Variants in USP6NL observed in about 807,000 individuals in gnomAD.
The protein encoded by USP6NL is USP6 N-terminal like, also known as USP6 N-terminal-like protein.
A neutral mutation model predicts 61.9 loss-of-function variants in USP6NL; 26 were observed. That is an observed-to-expected ratio of 0.42 (90% CI 0.31 to 0.58). The LOEUF (loss-of-function observed/expected upper bound fraction) is 0.58, where lower values mean the gene tolerates loss of function less well. USP6NL is among the 20% of genes least tolerant of loss of function. USP6NL has a pLI of 0.16. For synonymous variants in USP6NL, 432 were observed against 390.1 expected, an observed-to-expected ratio of 1.11 and a Z score of -1.27; for missense variants, 1,114 against 1,034.3, an observed-to-expected ratio of 1.08 and a Z score of -1.06.
At position 11,574,288 on chromosome 10, in the gene USP6NL, A is replaced by C. The variant is rs753181614; in HGVS notation, c.4+23343T>G. ...TATGGTGCCTCAAAAATATCCTATA[A>C]ATTCCTTGTCCTCCTCCTCACATAT... On this transcript the variant is annotated intron_variant, in intron 2 of 14. Transcript: ENST00000609104. This position sits in a 1 kb window ranked among gnomAD's most constrained non-coding sequence, Gnocchi z 4.3. Among the ~76,000 whole-genome samples, 1 of 152,230 alleles carries C rather than the reference A, an allele frequency of 6.6e-6. No individual in the cohort carries two copies. The highest frequency in any genetic ancestry group is 1.5e-5 in the Non-Finnish European group (1 of 68,030).
At position 11,511,693 on chromosome 10, in the gene USP6NL, T is replaced by C. The variant is rs900336360; in HGVS notation, c.196-2018A>G. 3.9e-5 allele frequency among the ~76,000 whole-genome samples: 6 copies of C among 152,112 alleles called. No homozygotes were observed. Among genetic ancestry groups the C allele is most frequent in the Non-Finnish European group, 8.8e-5 (6 of 68,016 alleles). ...CTTTTGAATTCTAATGCTTATCATA[T>C]ATACAGATTATTTTAAATGCTATAC... On this transcript the variant is annotated intron_variant, in intron 5 of 14. Coordinates refer to ENST00000609104, the MANE Select transcript of USP6NL (RefSeq NM_014688.5). The surrounding 1 kb of genome is among the most constrained non-coding windows in gnomAD (Gnocchi z 4.9).
intron 14 of USP6NL, among the ~76,000 whole-genome samples, chr10:11,473,297 G>A (rs1443086544): frequency 6.6e-6 from 1 of 152,172 alleles, no homozygotes; most frequent in Non-Finnish European, 1.5e-5. Flanking sequence ...GGCAGGAGCC[G>A]GTTACTGTCC....
At chr10:11,515,692 G>A (rs1380724816) in intron 5 of USP6NL, among the ~76,000 whole-genome samples, 3 of 152,150 alleles carry the variant, frequency 2.0e-5, no homozygotes, top group Non-Finnish European at 1.5e-5. Flanking sequence ...TATGAGAGGA[G>A]GAAAAACAGT....
In USP6NL at chr10:11,510,531, T is replaced by A. The variant is rs1410733862; in HGVS notation, c.196-856A>T. ...TCTTGCGTGCCCACTCAAGTGAAATTCAGGGGCAAGGCTGCGGAATGGGGA... is the reference window on the plus strand; with the variant it reads ...TCTTGCGTGCCCACTCAAGTGAAATACAGGGGCAAGGCTGCGGAATGGGGA... On this transcript the variant is annotated intron_variant, in intron 5 of 14. Coordinates refer to ENST00000609104, the MANE Select transcript of USP6NL (RefSeq NM_014688.5). The surrounding 1 kb of genome is among the most constrained non-coding windows in gnomAD (Gnocchi z 4.8). 6.6e-6 allele frequency among the ~76,000 whole-genome samples: 1 copy of A among 152,060 alleles called. No individual in the cohort carries two copies. Among genetic ancestry groups the A allele is most frequent in the African/African-American group, 2.4e-5 (1 of 41,404 alleles).
In USP6NL at chr10:11,589,332, T is replaced by C. The variant is rs1289766247; in HGVS notation, c.4+8299A>G. Among the ~76,000 whole-genome samples, 6 of 152,244 alleles carry C rather than the reference T, an allele frequency of 3.9e-5. No homozygotes were observed. Among genetic ancestry groups the C allele is most frequent in the Admixed American group, 2.0e-4 (3 of 15,282 alleles). On this transcript the variant is annotated intron_variant, in intron 2 of 14. Coordinates refer to ENST00000609104, the MANE Select transcript of USP6NL (RefSeq NM_014688.5). The surrounding 1 kb of genome is among the most constrained non-coding windows in gnomAD (Gnocchi z 4.7). ...ATTAAATTCAATATCTGCTGTACCATAATTGTCAAAAGTAAACAGTTTGCA... is the reference window on the plus strand; with the variant it reads ...ATTAAATTCAATATCTGCTGTACCACAATTGTCAAAAGTAAACAGTTTGCA...
In USP6NL at chr10:11,470,106, A is replaced by G. The variant is rs1416996792; in HGVS notation, c.1079-6257T>C. Reference sequence around the variant, plus strand: ...CGCTGTGCCTCTCATGAGGAGGAGAAGCAAGAAGGGGCGGAGACAGTGAAG... The same window carrying G: ...CGCTGTGCCTCTCATGAGGAGGAGAGGCAAGAAGGGGCGGAGACAGTGAAG... On this transcript the variant is annotated intron_variant, in intron 14 of 14. Transcript: ENST00000609104. The surrounding 1 kb of genome is among the most constrained non-coding windows in gnomAD (Gnocchi z 5.4). 1.3e-5 allele frequency among the ~76,000 whole-genome samples: 2 copies of G among 152,202 alleles called. No individual in the cohort carries two copies. Among genetic ancestry groups the G allele is most frequent in the Admixed American group, 1.3e-4 (2 of 15,280 alleles).
Position 11,463,403 on chromosome 10 carries a change from G to C in USP6NL, c.1525C>G (p.Arg509Gly), listed in dbSNP as rs766613264. The C allele has an allele frequency of 2.5e-5, 40 of 1,613,914 alleles. No homozygotes were observed. In the South Asian group the frequency reaches 4.3e-4, roughly 17 times the overall value. ...TAKYTMEGKG[R>G]AAHPALAVTV... ...ACTGCGAGCGCGGGGTGCGCTGCTC[G>C]ACCTTTGCCTTCCATGGTGTATTTG... Residue 509 changes from arginine to glycine, a missense_variant, in exon 15 of 15, where the codon CGA becomes GGA. Arg to Gly is a moderately radical substitution (Grantham distance 125). Coordinates refer to ENST00000609104, the MANE Select transcript of USP6NL (RefSeq NM_014688.5). The surrounding 1 kb of genome is among the most constrained non-coding windows in gnomAD (Gnocchi z 6.3).
intron 6 of USP6NL, among the ~76,000 whole-genome samples, chr10:11,505,211 A>C (rs1834382812): frequency 6.6e-6 from 1 of 152,208 alleles, no homozygotes; most frequent in Non-Finnish European, 1.5e-5. Context: ...TGTGCCAGGA[A>C]GGGAAAAGTG....
rs1838349315 is a variant in USP6NL at position 11,596,926 on chromosome 10, A to T, written c.4+705T>A. On this transcript the variant is annotated intron_variant, in intron 2 of 14. Transcript: ENST00000609104. This position sits in a 1 kb window ranked among gnomAD's most constrained non-coding sequence, Gnocchi z 4.1. ...CATTTAAACTCTAATATCATCTTCC[A>T]ATAAGAAAATGCTCATTGCATCCCA... 6.6e-6 allele frequency among the ~76,000 whole-genome samples: 1 copy of T among 152,194 alleles called. No homozygotes were observed. Among genetic ancestry groups the T allele is most frequent in the South Asian group, 2.1e-4 (1 of 4,826 alleles).
rs893984509 is a variant in USP6NL, at chr10:11,597,540, C to T, written c.4+91G>A. 9 of 1,330,398 alleles carry T rather than the reference C, an allele frequency of 6.8e-6. No individual in the cohort carries two copies. The South Asian group carries it at 1.1e-4, about 17-fold the overall frequency. The allele number at this position is 1,330,398 out of a possible 1,614,324, so 82.4% of individuals were successfully genotyped here. A position where few individuals can be genotyped will look rare whatever the true frequency, so the allele number is the denominator to read the frequency against. On this transcript the variant is annotated intron_variant, in intron 2 of 14. Coordinates refer to ENST00000609104, the MANE Select transcript of USP6NL (RefSeq NM_014688.5). This position sits in a 1 kb window ranked among gnomAD's most constrained non-coding sequence, Gnocchi z 4.6. ...AAACTCTGAATAAGTGACATAATTC[C>T]AATTTATTCAGTAACATGTTTTTCT...
chr10:11,506,190 T>C (rs1297875381), intron 6 of USP6NL, among the ~76,000 whole-genome samples: 1 of 152,204 alleles, frequency 6.6e-6, no homozygotes, highest in Admixed American at 6.5e-5. Context: ...ATGGTTAATA[T>C]GGTCTGAAAG....
Position 11,549,546 on chromosome 10 carries a change from G to A in USP6NL, c.5-21979C>T, listed in dbSNP as rs75524886. Among the ~76,000 whole-genome samples, 16 of 152,090 alleles carry A rather than the reference G, an allele frequency of 1.1e-4. No homozygotes were observed. The East Asian group carries it at 2.5e-3, about 24-fold the overall frequency. ...TTTCACCCAAACTCTTTTTAAATGT[G>A]AACTCAAAGAGCACCCTAAGCAGCT... On this transcript the variant is annotated intron_variant, in intron 2 of 14. Transcript: ENST00000609104.
intron 2 of USP6NL, among the ~76,000 whole-genome samples, chr10:11,531,333 T>A (rs549286738): frequency 6.6e-6 from 1 of 152,276 alleles, no homozygotes; most frequent in East Asian, 1.9e-4. Flanking sequence ...TTTTCTTTTT[T>A]TCTTTTTGAG....
Position 11,490,922 on chromosome 10 carries a change from A to G in USP6NL, c.495-42T>C. 6.8e-7 allele frequency: 1 copy of G among 1,477,802 alleles called. No homozygotes were observed. Among genetic ancestry groups the G allele is most frequent in the Non-Finnish European group, 9.1e-7 (1 of 1,104,278 alleles). The allele number at this position is 1,477,802 out of a possible 1,614,324, so 91.5% of individuals were successfully genotyped here. A position where few individuals can be genotyped will look rare whatever the true frequency, so the allele number is the denominator to read the frequency against. On this transcript the variant is annotated intron_variant, in intron 8 of 14. Transcript: ENST00000609104. The surrounding 1 kb of genome is among the most constrained non-coding windows in gnomAD (Gnocchi z 4.5). The stretch of plus-strand genomic sequence containing the variant: ...ACATTAAATACAATTTAGTAATTTC[A>G]CATATTTTAAAAATTACAAACTTAA...
At chr10:11,555,471 A>AGAGAGAGAGAAAG (rs1566178235) in intron 2 of USP6NL, among the ~76,000 whole-genome samples, 1 of 62,220 alleles carries the variant, frequency 1.6e-5, no homozygotes, top group Non-Finnish European at 2.8e-5. Flanking sequence ...GAGAGAGAGA[A>AGAGAGAGAGAAAG]AGAGAGAGAG....
intron 3 of USP6NL, among the ~76,000 whole-genome samples, chr10:11,526,303 C>T (rs1158211990): frequency 2.0e-5 from 3 of 152,164 alleles, no homozygotes; most frequent in Admixed American, 6.5e-5. Flanking sequence ...GTCTTGTGGA[C>T]ACCTCCATCT....
intron 2 of USP6NL, among the ~76,000 whole-genome samples, chr10:11,577,183 G>T (rs1413388313): frequency 1.3e-5 from 2 of 151,008 alleles, no homozygotes; most frequent in Admixed American, 1.3e-4. Context: ...TCAGCCTCCA[G>T]AGTAGCTGGG....
chr10:11,542,396 C>T (rs1477099523), intron 2 of USP6NL, among the ~76,000 whole-genome samples: 2 of 152,090 alleles, frequency 1.3e-5, no homozygotes, highest in African/African-American at 2.4e-5. Context: ...GTTTTAGGTA[C>T]AAAACAACGT....
At chr10:11,494,836 T>C (rs967461048) in intron 7 of USP6NL, among the ~76,000 whole-genome samples, 32 of 152,134 alleles carry the variant, frequency 2.1e-4, no homozygotes, top group Non-Finnish European at 2.1e-4. Flanking sequence ...CAGAGCCAGG[T>C]GTACAGGATG....
Sources: allele counts gnomAD v4.1 joint callset (sites outside exome capture counted in the v4.1 genomes callset), GRCh38; gene constraint gnomAD v4.1.1; non-coding constraint Gnocchi (gnomAD v3.1); transcripts MANE v1.5; gene names NCBI Gene and HGNC (gene_info 2026-07-23, HGNC 2026-07-21).